The following ARHGEF7 variants were observed in gnomAD, a reference collection of about 807,000 sequenced individuals.
ARHGEF7 encodes the protein PAK-interacting exchange factor beta.
A neutral mutation model predicts 109.8 loss-of-function variants in ARHGEF7; 33 were observed. The ratio of observed to expected loss-of-function variants is 0.30; its 90% CI spans 0.23 to 0.40. The LOEUF is 0.40. Ranked by LOEUF, ARHGEF7 falls within the 10% of genes least tolerant of loss-of-function variation. The probability of loss-of-function intolerance (pLI) is 1.00; values close to 1 mark genes in which losing one functional copy is unlikely to be tolerated. For missense variants in ARHGEF7, 938 were observed against 1,098.5 expected (o/e 0.85, Z 2.07); for synonymous variants, 458 against 424.6 (o/e 1.08, Z -0.97).
chr13:111,261,190 TG>T (rs1318965479), intron 8 of ARHGEF7, among the ~76,000 whole-genome samples: 2 of 150,366 alleles, frequency 1.3e-5, no homozygotes, highest in Non-Finnish European at 3.0e-5. Context: ...AGCCGTAGAG[TG>T]GCTGAATGGA....
At chr13:111,267,255 T>C (rs1298554425) in intron 8 of ARHGEF7, among the ~76,000 whole-genome samples, 1 of 152,238 alleles carries the variant, frequency 6.6e-6, no homozygotes, top group East Asian at 1.9e-4. Context: ...CTGAAGGCTC[T>C]GTGACATCTG....
intron 5 of ARHGEF7, 138 bp downstream of exon 5, chr13:111,218,018 A>G: frequency 1.2e-6 from 1 of 865,700 alleles, no homozygotes; most frequent in Non-Finnish European, 1.7e-6. Context: ...GTTAGATGTA[A>G]TGGATTTTCA....
chr13:111,166,910 T>C (rs748923276), intron 2 of ARHGEF7, among the ~76,000 whole-genome samples: 1 of 152,196 alleles, frequency 6.6e-6, no homozygotes, highest in East Asian at 1.9e-4. Context: ...TAAACACATA[T>C]TGTGGGCAGG....
upstream of ARHGEF7, chr13:111,114,861 C>T (rs1169191961): frequency 6.6e-6 from 1 of 152,240 alleles, no homozygotes; most frequent in East Asian, 1.9e-4. Flanking sequence ...TCCGTCATGA[C>T]CGGCTTGCAA....
intron 2 of ARHGEF7, chr13:111,187,012 T>C: frequency 1.0e-6 from 1 of 985,818 alleles, no homozygotes; most frequent in Non-Finnish European, 1.2e-6. Context: ...CGGGGTTGAT[T>C]AAGGTTGCTG....
chr13:111,264,523 T>C (rs530612842), intron 8 of ARHGEF7, among the ~76,000 whole-genome samples: 6 of 152,138 alleles, frequency 3.9e-5, no homozygotes, highest in Non-Finnish European at 8.8e-5. Context: ...TTAGCCTCCT[T>C]GTGCTGTGGG....
At chr13:111,123,173 G>T (rs2067308357) in intron 1 of ARHGEF7, among the ~76,000 whole-genome samples, 2 of 152,232 alleles carry the variant, frequency 1.3e-5, no homozygotes, top group Non-Finnish European at 2.9e-5. Flanking sequence ...AGTGGCCAGT[G>T]TTAGTTCCTA....
At chr13:111,216,282 G>T (rs532342107) in intron 4 of ARHGEF7, among the ~76,000 whole-genome samples, 129 of 152,232 alleles carry the variant, frequency 8.5e-4, no homozygotes, top group African/African-American at 3.0e-3. Context: ...CTGGATGGGG[G>T]GGTGATGATT....
At chr13:111,176,492 C>G (rs899503582) in intron 2 of ARHGEF7, among the ~76,000 whole-genome samples, 4 of 152,158 alleles carry the variant, frequency 2.6e-5, no homozygotes, top group Admixed American at 6.5e-5. Context: ...CTTCCTAGGT[C>G]CCACTCTCTC....
At chr13:111,279,851 A>G (rs2092690651) in intron 13 of ARHGEF7, among the ~76,000 whole-genome samples, 1 of 152,118 alleles carries the variant, frequency 6.6e-6, no homozygotes, top group Non-Finnish European at 1.5e-5. Context: ...CCTTATTTTG[A>G]CTTTAAACTT....
chr13:111,221,372 T>TAG lies in ARHGEF7; in HGVS notation c.670+3493_670+3494insGA, dbSNP rs1243779041. On this transcript the variant is annotated intron_variant, in intron 5 of 21. Transcript: ENST00000646102. ...ATATGTCTATATATATATCTATATA[T>TAG]ATATCTATATATATAGATGTCTATA... 9.2e-5 allele frequency among the ~76,000 whole-genome samples: 3 copies of TAG among 32,716 alleles called. 1 individual carries two copies. The highest frequency in any genetic ancestry group is 3.5e-4 in the African/African-American group (3 of 8,634). The allele number at this position is 32,716 out of a possible 152,430, so 21.5% of individuals were successfully genotyped here. A position where few individuals can be genotyped will look rare whatever the true frequency, so the allele number is the denominator to read the frequency against.
chr13:111,265,333 C>T (rs371141025), intron 8 of ARHGEF7, among the ~76,000 whole-genome samples: 17 of 152,042 alleles, frequency 1.1e-4, no homozygotes, highest in African/African-American at 2.7e-4. Context: ...TTTTGAGCCT[C>T]GGTTAACAGT....
rs831144 is a variant in ARHGEF7 at position 111,118,399 on chromosome 13, A to C, written c.165+2708A>C. ...GTGAGAAGATGGAATTATAAACTTT[A>C]CATGAACAGTTCAGAAAAGAGACAC... is the stretch of plus-strand genomic sequence containing the variant. On this transcript the variant is annotated intron_variant, in intron 1 of 21. Transcript: ENST00000646102. Among the ~76,000 whole-genome samples the C allele has an allele frequency of 5.6e-3, 848 of 152,344 alleles. 9 individuals carry two copies. Among genetic ancestry groups the C allele is most frequent in the East Asian group, 0.042 (218 of 5,180 alleles).
intron 1 of ARHGEF7, among the ~76,000 whole-genome samples, chr13:111,124,943 A>C (rs910584927): frequency 1.3e-5 from 2 of 152,114 alleles, no homozygotes; most frequent in African/African-American, 4.8e-5. Flanking sequence ...TATTTTTAGT[A>C]GAGACAGGGT....
chr13:111,297,928 T>C (rs1435422666), intron 19 of ARHGEF7, among the ~76,000 whole-genome samples: 1 of 152,258 alleles, frequency 6.6e-6, no homozygotes, highest in Non-Finnish European at 1.5e-5. Flanking sequence ...TTACATAACT[T>C]TTTCCAGTGT....
At chr13:111,259,342 G>T (rs2153572168) in intron 8 of ARHGEF7, among the ~76,000 whole-genome samples, 1 of 152,292 alleles carries the variant, frequency 6.6e-6, no homozygotes, top group African/African-American at 2.4e-5. Flanking sequence ...GACTACAGGG[G>T]TATTGTGTCA....
At chr13:111,220,253 G>T (rs917197634) in intron 5 of ARHGEF7, among the ~76,000 whole-genome samples, 5 of 152,216 alleles carry the variant, frequency 3.3e-5, no homozygotes, top group African/African-American at 9.6e-5. Flanking sequence ...CTCGTTCGTT[G>T]CTCACCTTTG....
intron 2 of ARHGEF7, among the ~76,000 whole-genome samples, chr13:111,205,001 C>G (rs1051538713): frequency 1.3e-5 from 2 of 149,540 alleles, no homozygotes; most frequent in African/African-American, 5.0e-5. Context: ...CCCACCCCCC[C>G]ACCCCGCCCC....
At chr13:111,155,978 A>T (rs2076291216) in intron 2 of ARHGEF7, among the ~76,000 whole-genome samples, 1 of 151,644 alleles carries the variant, frequency 6.6e-6, no homozygotes, top group Admixed American at 6.6e-5. Context: ...CCAGTTACTC[A>T]GGTGGCTGAG....
Sources: gnomAD v4.1 joint callset for allele counts (sites outside exome capture counted in the v4.1 genomes callset) on GRCh38, gnomAD v4.1.1 for gene constraint, MANE v1.5 for transcripts, NCBI Gene and HGNC (gene_info 2026-07-23, HGNC 2026-07-21) for gene names.